CDH8: variants seen among roughly 807,000 people sequenced by gnomAD.
CDH8 encodes the protein cadherin-8.
Under a neutral mutation model 68.1 loss-of-function variants are expected in CDH8, and 17 were observed. The ratio of observed to expected loss-of-function variants is 0.25; its 90% CI spans 0.17 to 0.37. CDH8 has a LOEUF of 0.37. Among genes scored for constraint, CDH8 ranks in the 10% least tolerant of loss-of-function variants. CDH8 has a pLI of 1.00. For synonymous variants in CDH8, 372 were observed against 365.1 expected (o/e 1.02, Z -0.21); for missense variants, 763 against 999.3 (o/e 0.76, Z 3.19).
At chr16:61,948,781 T>G (rs546199060) in intron 2 of CDH8, among the ~76,000 whole-genome samples, 1 of 152,198 alleles carries the variant, frequency 6.6e-6, no homozygotes, top group Non-Finnish European at 1.5e-5. Context: ...TTTTTAAAAT[T>G]TTTATTCTTA....
At chr16:61,929,436 C>T (rs16964087) in intron 2 of CDH8, among the ~76,000 whole-genome samples, 6,943 of 152,188 alleles carry the variant, frequency 0.046, 526 homozygotes, top group African/African-American at 0.16. Context: ...TCTCAACTAT[C>T]TCAGAAAGGG....
At chr16:61,689,797 C>T (rs1350045692) in intron 10 of CDH8, among the ~76,000 whole-genome samples, 1 of 151,804 alleles carries the variant, frequency 6.6e-6, no homozygotes, top group Non-Finnish European at 1.5e-5. Flanking sequence ...AAACATAAAT[C>T]ATAATAATAC....
rs1425035596 is a variant in CDH8, at chr16:61,917,061, TAGTGTG to T, written c.253-15594_253-15589del. ...AGCATTGCACAAATTATTTACCTAT[TAGTGTG>T]TGTGTGTGTGTGTGTGTGTGTGTGT... On this transcript the variant is annotated intron_variant, in intron 2 of 11. Coordinates refer to ENST00000577390, the MANE Select transcript of CDH8 (RefSeq NM_001796.5). Among the ~76,000 whole-genome samples the T allele has an allele frequency of 5.1e-5, 6 of 117,528 alleles. No homozygotes were observed. In the South Asian group the frequency reaches 8.9e-4, roughly 17 times the overall value. 77.1% of individuals were successfully genotyped at this position (117,528 alleles called of 152,430 possible).
At chr16:61,754,233 C>T (rs1486235341) in intron 8 of CDH8, among the ~76,000 whole-genome samples, 1 of 152,116 alleles carries the variant, frequency 6.6e-6, no homozygotes, top group Non-Finnish European at 1.5e-5. Flanking sequence ...GAAAAAAACT[C>T]TTAGCATTTT....
chr16:61,685,132 A>G (rs1964082934), intron 10 of CDH8, among the ~76,000 whole-genome samples: 2 of 151,692 alleles, frequency 1.3e-5, no homozygotes, highest in South Asian at 2.1e-4. Flanking sequence ...AGAATTGAGA[A>G]TAGAGAGAAG....
intron 2 of CDH8, among the ~76,000 whole-genome samples, chr16:62,015,399 G>A (rs548844001): frequency 1.2e-4 from 19 of 152,092 alleles, no homozygotes; most frequent in Non-Finnish European, 2.5e-4. Context: ...GGGCATGTGT[G>A]TGTGTGTTTG....
At chr16:61,718,820 A>G (rs1224060705) in intron 9 of CDH8, among the ~76,000 whole-genome samples, 1 of 151,318 alleles carries the variant, frequency 6.6e-6, no homozygotes, top group Admixed American at 6.6e-5. Context: ...TCCATAACTG[A>G]ATAAAACAAA....
rs1048739863 is a variant in CDH8, at chr16:61,652,182, C to T, written c.*1426G>A. ...TTTCTACTCCTAAATGGCAGGTTTG[C>T]ATTACAAATTAAATATGCTCACATC... On this transcript the variant is annotated 3_prime_UTR_variant, in exon 12 of 12. Transcript: ENST00000577390. 1.0e-6 allele frequency: 1 copy of T among 982,404 alleles called. No individual in the cohort carries two copies. Among genetic ancestry groups the T allele is most frequent in the African/African-American group, 1.7e-5 (1 of 57,168 alleles). 60.9% of individuals were successfully genotyped at this position (982,404 alleles called of 1,614,324 possible).
chr16:61,708,229 T>C (rs554606107), intron 10 of CDH8, among the ~76,000 whole-genome samples: 5 of 152,284 alleles, frequency 3.3e-5, no homozygotes, highest in Non-Finnish European at 7.4e-5. Flanking sequence ...TGCTAGCAGA[T>C]TGACAGAAAA....
intron 2 of CDH8, among the ~76,000 whole-genome samples, chr16:61,976,065 C>A (rs2150579799): frequency 6.6e-6 from 1 of 152,162 alleles, no homozygotes; most frequent in African/African-American, 2.4e-5. Flanking sequence ...TACTGCAGTG[C>A]CTGAAAAAAA....
chr16:61,899,336 C>T (rs1963926939), intron 3 of CDH8, among the ~76,000 whole-genome samples: 1 of 152,032 alleles, frequency 6.6e-6, no homozygotes, highest in Non-Finnish European at 1.5e-5. Flanking sequence ...TTGAAATATC[C>T]AGATGATAAT....
intron 3 of CDH8, among the ~76,000 whole-genome samples, chr16:61,873,370 G>A (rs912281720): frequency 5.3e-5 from 8 of 152,100 alleles, no homozygotes; most frequent in African/African-American, 1.9e-4. Context: ...GGACGACACA[G>A]GCTACTTATG....
intron 9 of CDH8, among the ~76,000 whole-genome samples, chr16:61,720,809 T>A (rs556330835): frequency 6.6e-6 from 1 of 150,990 alleles, no homozygotes; most frequent in African/African-American, 2.4e-5. Context: ...TTAGGAATCA[T>A]GTATAGTGTG....
chr16:61,900,006 G>A (rs994256299), intron 3 of CDH8, among the ~76,000 whole-genome samples: 5 of 152,136 alleles, frequency 3.3e-5, no homozygotes, highest in Non-Finnish European at 2.9e-5. Flanking sequence ...TGTGTCTAAA[G>A]TGAAGATGTT....
At position 61,650,706 on chromosome 16, in the gene CDH8, T is replaced by TGAGAGA. The variant is rs71134374; in HGVS notation, c.*2896_*2901dup. The stretch of plus-strand genomic sequence containing the variant: ...GTGTGTGTGTGTGTGTGTGTGTGTG[T>TGAGAGA]GAGAGAGAGAGAGAGAGAGAGAGAG... On this transcript the variant is annotated 3_prime_UTR_variant, in exon 12 of 12. Coordinates refer to ENST00000577390, the MANE Select transcript of CDH8 (RefSeq NM_001796.5). 5.6e-3 allele frequency: 648 copies of TGAGAGA among 116,594 alleles called. 2 individuals are homozygous for TGAGAGA. The highest frequency in any genetic ancestry group is 0.017 in the African/African-American group (517 of 29,806). 7.2% of individuals were successfully genotyped at this position (116,594 alleles called of 1,614,324 possible).
intron 10 of CDH8, among the ~76,000 whole-genome samples, chr16:61,666,853 T>C (rs2142769160): frequency 6.6e-6 from 1 of 152,018 alleles, no homozygotes; most frequent in East Asian, 1.9e-4. Flanking sequence ...AAATACCAAA[T>C]CCAGAAATTT....
chr16:61,991,313 G>A (rs962908393), intron 2 of CDH8, among the ~76,000 whole-genome samples: 1 of 152,136 alleles, frequency 6.6e-6, no homozygotes, highest in Non-Finnish European at 1.5e-5. Context: ...TGCTCTGTCT[G>A]TACTACAGAT....
intron 10 of CDH8, among the ~76,000 whole-genome samples, chr16:61,679,031 C>T (rs948413175): frequency 6.6e-6 from 1 of 152,074 alleles, no homozygotes; most frequent in Non-Finnish European, 1.5e-5. Context: ...TTGGACTGTA[C>T]CCTTAGCCCC....
chr16:61,975,525 C>A (rs1965420254), intron 2 of CDH8, among the ~76,000 whole-genome samples: 1 of 151,886 alleles, frequency 6.6e-6, no homozygotes, highest in Admixed American at 6.6e-5. Context: ...ATAAGGAGCA[C>A]CAATGGTGAA....
Sources: gnomAD v4.1 joint callset for allele counts (sites outside exome capture counted in the v4.1 genomes callset) on GRCh38, gnomAD v4.1.1 for gene constraint, MANE v1.5 for transcripts, NCBI Gene and HGNC (gene_info 2026-07-23, HGNC 2026-07-21) for gene names.